Variants in DOCK9 observed in about 807,000 individuals in gnomAD.
DOCK9 encodes the protein dedicator of cytokinesis protein 9.
Under a neutral mutation model 263.3 loss-of-function variants are expected in DOCK9, and 89 were observed. That is an observed-to-expected ratio of 0.34 (90% confidence interval 0.28 to 0.40). The LOEUF (loss-of-function observed/expected upper bound fraction) is 0.40. Ranked by LOEUF, DOCK9 falls within the 10% of genes least tolerant of loss-of-function variation. DOCK9 has a pLI of 1.00. For synonymous variants in DOCK9, 976 were observed against 973.1 expected (o/e 1.00, Z -0.06); for missense variants, 2,140 against 2,603.4 (o/e 0.82, Z 3.87).
chr13:98,883,064 T>C lies in DOCK9; in HGVS notation c.2537A>G (p.Asn846Ser), dbSNP rs537828362. 6.2e-7 allele frequency: 1 copy of C among 1,613,854 alleles called. No homozygotes were observed. The highest frequency in any genetic ancestry group is 1.3e-5 in the African/African-American group (1 of 75,046). The change falls in exon 23 of 53, where the codon AAC becomes AGC. Residue 846 changes from asparagine (N) to serine (S), a missense_variant. Around this residue, in one of 2 missense-constraint regions of DOCK9, gnomAD observed 1,521 missense variants for 1,741.7 expected, o/e 0.87. Coordinates refer to ENST00000682017, the MANE Select transcript of DOCK9 (RefSeq NM_001366683.2). ...KTESGAQALG[N>S]ELVKYLKSLH... is the part of the protein sequence containing the mutation. Reference sequence around the variant, plus strand: ...TACCTTAAGGTACTTTACAAGTTCGTTTCCTAAGGCTTGGGCTCCAGATTC... The same window carrying C: ...TACCTTAAGGTACTTTACAAGTTCGCTTCCTAAGGCTTGGGCTCCAGATTC...
chr13:99,079,839 A>G (rs1177898126), intron 1 of DOCK9, among the ~76,000 whole-genome samples: 1 of 152,182 alleles, frequency 6.6e-6, no homozygotes, highest in Non-Finnish European at 1.5e-5. Flanking sequence ...CAGGAGTTCA[A>G]GACCAGCCTG....
chr13:98,829,330 C>T lies in DOCK9; in HGVS notation c.4942G>A (p.Val1648Ile). ...ACCTCTGAGAGATCGCCATTTTTGA[C>T]ATGGATCCTGGCCATGCTGTCGAGC... ...TWLDSMARIH[V>I]KNGDLSEAAM... The change falls in exon 43 of 53, where the codon GTC becomes ATC. Residue 1648 changes from valine (V) to isoleucine (I), a missense_variant. Coordinates refer to ENST00000682017, the MANE Select transcript of DOCK9 (RefSeq NM_001366683.2). The surrounding 1 kb of genome is among the most constrained non-coding windows in gnomAD (Gnocchi z 4.1). The T allele has an allele frequency of 6.2e-7, 1 of 1,612,930 alleles. No individual in the cohort carries two copies. Among genetic ancestry groups the T allele is most frequent in the Non-Finnish European group, 8.5e-7 (1 of 1,179,556 alleles).
rs767354591 is a variant in DOCK9, at chr13:99,086,206, G to A, written c.129+17C>T. On this transcript the variant is annotated intron_variant, in intron 1 of 32. Transcript: ENST00000427887. ...CCCCCGCCATCCTCCCCCGGCCCGC[G>A]GTCGTCCCGCACTCACCAGGAGCAC... The A allele has an allele frequency of 1.8e-5, 27 of 1,483,782 alleles. No homozygotes were observed. In the South Asian group the frequency reaches 3.1e-4, roughly 17 times the overall value. 91.9% of individuals were successfully genotyped at this position (1,483,782 alleles called of 1,614,324 possible).
chr13:98,816,014 T>C (rs1364732051), intron 45 of DOCK9, among the ~76,000 whole-genome samples: 22 of 152,222 alleles, frequency 1.4e-4, no homozygotes, highest in Admixed American at 1.4e-3. Context: ...GTTACAACTA[T>C]GTGTCCTCAC....
chr13:98,814,236 C>T (rs1213833276), intron 45 of DOCK9, among the ~76,000 whole-genome samples: 1 of 152,144 alleles, frequency 6.6e-6, no homozygotes, highest in African/African-American at 2.4e-5. Context: ...TGTACCGGTG[C>T]TTATTAAAAG....
At chr13:99,008,391 A>G (rs1351454852) in intron 1 of DOCK9, among the ~76,000 whole-genome samples, 4 of 151,752 alleles carry the variant, frequency 2.6e-5, no homozygotes, top group South Asian at 2.1e-4. Flanking sequence ...CTGCCACCAC[A>G]CCCAGCTAAT....
chr13:98,907,556 C>A (rs2049311423), intron 9 of DOCK9, among the ~76,000 whole-genome samples: 1 of 152,164 alleles, frequency 6.6e-6, no homozygotes, highest in Non-Finnish European at 1.5e-5. Context: ...CACTAACACC[C>A]AACAGATATA....
At chr13:98,945,941 C>T (rs1281318623) in intron 2 of DOCK9, among the ~76,000 whole-genome samples, 1 of 152,060 alleles carries the variant, frequency 6.6e-6, no homozygotes, top group Non-Finnish European at 1.5e-5. Context: ...TCAGCAACAG[C>T]CTCATTGCAA....
At chr13:98,964,946 C>T (rs1361861280) in intron 1 of DOCK9, among the ~76,000 whole-genome samples, 1 of 152,218 alleles carries the variant, frequency 6.6e-6, no homozygotes, top group Admixed American at 6.5e-5. Context: ...AGCAACACTC[C>T]TCACAAGAGC....
At chr13:99,048,023 T>C (rs61968946) in intron 1 of DOCK9, among the ~76,000 whole-genome samples, 1 of 152,090 alleles carries the variant, frequency 6.6e-6, no homozygotes, top group Non-Finnish European at 1.5e-5. Flanking sequence ...AGGCCTCCAG[T>C]TTGGGGGCAG....
At position 99,043,585 on chromosome 13, in the gene DOCK9, G is replaced by A. The variant is rs572319854; in HGVS notation, c.129+42638C>T. ...TGCAGGTACGTCGGGGAGAGAGGGA[G>A]GCTGCCAAACAGGTCCACAAACAGG... On this transcript the variant is annotated intron_variant, in intron 1 of 32. Transcript: ENST00000427887. 1.5e-3 allele frequency among the ~76,000 whole-genome samples: 230 copies of A among 152,274 alleles called. 8 individuals are homozygous for A. The South Asian group carries it at 0.046, about 31-fold the overall frequency.
At chr13:98,912,532 T>G (rs1221576721) in intron 9 of DOCK9, among the ~76,000 whole-genome samples, 1 of 152,082 alleles carries the variant, frequency 6.6e-6, no homozygotes, top group Non-Finnish European at 1.5e-5. Flanking sequence ...AGTTTAAAAA[T>G]AGTTCCAAAT....
intron 35 of DOCK9, 56 bp downstream of exon 35, chr13:98,853,352 C>T (rs1223801373): frequency 8.3e-7 from 1 of 1,202,504 alleles, no homozygotes; most frequent in Non-Finnish European, 1.2e-6. Flanking sequence ...CAAGTTAAAA[C>T]CAAACAAACC....
At chr13:98,817,645 AATAAGTGAATAG>A (rs1178930381) in intron 45 of DOCK9, among the ~76,000 whole-genome samples, 1 of 151,962 alleles carries the variant, frequency 6.6e-6, no homozygotes, top group East Asian at 1.9e-4. Context: ...TCAAATTATA[AATAAGTGAATAG>A]TTTAATAACA....
chr13:99,076,991 G>A (rs1235691470), intron 1 of DOCK9, among the ~76,000 whole-genome samples: 2 of 152,154 alleles, frequency 1.3e-5, no homozygotes, highest in Non-Finnish European at 2.9e-5. Context: ...CAACTGAGAG[G>A]GGTGGCCAGG....
intron 1 of DOCK9, among the ~76,000 whole-genome samples, chr13:98,996,580 T>G (rs1161450030): frequency 6.6e-6 from 1 of 152,230 alleles, no homozygotes; most frequent in Non-Finnish European, 1.5e-5. Context: ...TCCAAGCTTG[T>G]CCAATCCACG....
intron 39 of DOCK9, among the ~76,000 whole-genome samples, chr13:98,836,265 T>A (rs117084185): frequency 0.014 from 2,118 of 152,330 alleles, 72 homozygotes; most frequent in Admixed American, 0.076. Flanking sequence ...TTGCTGCTGC[T>A]GTTCTGAACT....
At chr13:98,797,327 C>G (rs1014436234) in intron 51 of DOCK9, 62 bp downstream of exon 51, 1 of 1,608,486 alleles carries the variant, frequency 6.2e-7, no homozygotes, top group African/African-American at 1.3e-5. Context: ...GCATCTCCTT[C>G]CCGAATGAGT....
intron 1 of DOCK9, among the ~76,000 whole-genome samples, chr13:99,045,061 C>A (rs141459221): frequency 0.013 from 1,998 of 152,280 alleles, 34 homozygotes; most frequent in South Asian, 0.057. Context: ...GTTTGTGGGA[C>A]TGTAAATTAG....
Sources: gnomAD v4.1 joint callset for allele counts (sites outside exome capture counted in the v4.1 genomes callset) on GRCh38, gnomAD v4.1.1 for gene constraint, gnomAD v4.1.1 regional missense constraint, Gnocchi (gnomAD v3.1) non-coding constraint, MANE v1.5 for transcripts, NCBI Gene and HGNC (gene_info 2026-07-23, HGNC 2026-07-21) for gene names.